KMT2C: variants seen among roughly 807,000 people sequenced by gnomAD.
The protein encoded by KMT2C is histone-lysine N-methyltransferase 2C.
A neutral mutation model predicts 507.9 loss-of-function variants in KMT2C; 88 were observed. That is an observed-to-expected ratio of 0.17 (90% confidence interval 0.15 to 0.21). KMT2C has a LOEUF of 0.21. Ranked by LOEUF, KMT2C falls within the 10% of genes least tolerant of loss-of-function variation. The pLI is 1.00. For missense variants in KMT2C, 4,954 were observed against 5,957.8 expected (o/e 0.83, Z 5.55); for synonymous variants, 2,049 against 2,080.8 (o/e 0.98, Z 0.42).
intron 31 of KMT2C, among the ~76,000 whole-genome samples, chr7:152,193,483 G>C (rs1407379830): frequency 6.6e-6 from 1 of 152,208 alleles, no homozygotes; most frequent in African/African-American, 2.4e-5. Context: ...GGGCATATAA[G>C]CAAGACATGG....
chr7:152,301,079 A>C (rs917100903), intron 6 of KMT2C, among the ~76,000 whole-genome samples: 11 of 151,386 alleles, frequency 7.3e-5, no homozygotes, highest in African/African-American at 2.7e-4. Context: ...AAAACTATAA[A>C]GGGCTGGGCG....
In KMT2C at chr7:152,315,095, G is replaced by A. The variant is rs566012927; in HGVS notation, c.590+43C>T. On this transcript the variant is annotated intron_variant, in intron 4 of 58. Transcript: ENST00000262189. ...ACATTATAATGGAAATAAATTATAT[G>A]CAGTCTTAATCTATTCCAACATTTA... 2 of 1,413,752 alleles carry A rather than the reference G, an allele frequency of 1.4e-6. 1 individual carries two copies. Among genetic ancestry groups the A allele is most frequent in the Admixed American group, 3.5e-5 (2 of 57,502 alleles). The allele number at this position is 1,413,752 out of a possible 1,614,324, so 87.6% of individuals were successfully genotyped here.
chr7:152,151,281 G>A (rs540590698), intron 50 of KMT2C, among the ~76,000 whole-genome samples, 161 bp downstream of exon 50: 1 of 152,252 alleles, frequency 6.6e-6, no homozygotes, highest in South Asian at 2.1e-4. Flanking sequence ...GCTCTTTGGT[G>A]TTCAGCCCAA....
At chr7:152,428,051 T>C (rs1203175857) in intron 1 of KMT2C, among the ~76,000 whole-genome samples, 2 of 152,200 alleles carry the variant, frequency 1.3e-5, no homozygotes, top group Non-Finnish European at 2.9e-5. Flanking sequence ...TAGGCATCAT[T>C]AAATCACCAA....
intron 23 of KMT2C, among the ~76,000 whole-genome samples, chr7:152,215,933 T>C (rs1157626054): frequency 6.6e-6 from 1 of 152,296 alleles, no homozygotes; most frequent in East Asian, 1.9e-4. Context: ...TTTTAAAAGT[T>C]GAGGGAATTA....
chr7:152,194,265 G>T lies in KMT2C; in HGVS notation c.4508-4C>A, dbSNP rs1554516874. The T allele has an allele frequency of 3.5e-6, 5 of 1,442,870 alleles. No homozygotes were observed. The highest frequency in any genetic ancestry group is 2.4e-5 in the East Asian group (1 of 42,500). 89.4% of individuals were successfully genotyped at this position (1,442,870 alleles called of 1,614,324 possible). A position where few individuals can be genotyped will look rare whatever the true frequency, so the allele number is the denominator to read the frequency against. On this transcript the variant is annotated splice_region_variant and splice_polypyrimidine_tract_variant and intron_variant, in intron 29 of 58. Coordinates refer to ENST00000262189, the MANE Select transcript of KMT2C (RefSeq NM_170606.3). Reference sequence around the variant, plus strand: ...TATAATTTTCCAAGAATTGCTCCTAGAATAAATTAAAAAAAAAAAAGAAAC... The same window carrying T: ...TATAATTTTCCAAGAATTGCTCCTATAATAAATTAAAAAAAAAAAAGAAAC...
chr7:152,195,904 T>C lies in KMT2C; in HGVS notation c.4378+3A>G. The C allele has an allele frequency of 6.6e-7, 1 of 1,523,752 alleles. No homozygotes were observed. Among genetic ancestry groups the C allele is most frequent in the Non-Finnish European group, 9.1e-7 (1 of 1,100,454 alleles). The allele number at this position is 1,523,752 out of a possible 1,614,324, so 94.4% of individuals were successfully genotyped here. A position where few individuals can be genotyped will look rare whatever the true frequency, so the allele number is the denominator to read the frequency against. On this transcript the variant is annotated splice_donor_region_variant and intron_variant, in intron 28 of 58. Coordinates refer to ENST00000262189, the MANE Select transcript of KMT2C (RefSeq NM_170606.3). ...AAAAAGGGTAAACAGTATTCATATA[T>C]ACCTGAATGATCAACTGATTTTGCT...
chr7:152,237,745 C>T (rs529595292), intron 15 of KMT2C, among the ~76,000 whole-genome samples: 107 of 152,306 alleles, frequency 7.0e-4, no homozygotes, highest in African/African-American at 2.4e-3. Context: ...AAGTGATCTG[C>T]CCCCTCAGCC....
intron 1 of KMT2C, among the ~76,000 whole-genome samples, chr7:152,368,831 T>TGA (rs770419350): frequency 6.6e-6 from 1 of 152,176 alleles, no homozygotes; most frequent in East Asian, 1.9e-4. Context: ...TAAGATGCCT[T>TGA]GAATTGTCTA....
At chr7:152,278,772 T>C (rs1240394240) in intron 6 of KMT2C, among the ~76,000 whole-genome samples, 2 of 152,310 alleles carry the variant, frequency 1.3e-5, no homozygotes, top group Non-Finnish European at 2.9e-5. Flanking sequence ...AGTTTTATGT[T>C]ACAGTGTAAA....
chr7:152,395,503 T>C lies in KMT2C; in HGVS notation c.162-36828A>G, dbSNP rs564657399. Among the ~76,000 whole-genome samples, 258 of 149,652 alleles carry C rather than the reference T, an allele frequency of 1.7e-3. 1 individual carries two copies. Among genetic ancestry groups the C allele is most frequent in the Admixed American group, 3.4e-3 (52 of 15,172 alleles). On this transcript the variant is annotated intron_variant, in intron 1 of 58. Coordinates refer to ENST00000262189, the MANE Select transcript of KMT2C (RefSeq NM_170606.3). The stretch of plus-strand genomic sequence containing the variant: ...AGTGCCTAACCATTTTTAAGTTTTG[T>C]TTTGTTTTGTTTTGTTTTGTTTTTG...
chr7:152,305,422 A>T (rs746892709), intron 6 of KMT2C, among the ~76,000 whole-genome samples: 1 of 152,214 alleles, frequency 6.6e-6, no homozygotes, highest in Non-Finnish European at 1.5e-5. Context: ...GCGTCTGCGT[A>T]CTTGAGTAAG....
intron 14 of KMT2C, among the ~76,000 whole-genome samples, chr7:152,240,651 T>C (rs1357799785): frequency 6.6e-6 from 1 of 152,276 alleles, no homozygotes; most frequent in Non-Finnish European, 1.5e-5. Context: ...ACCGGTTTCA[T>C]CCCAGTCTTC....
chr7:152,195,431 C>T, intron 28 of KMT2C: 1 of 509,422 alleles, frequency 2.0e-6, no homozygotes, highest in East Asian at 1.5e-4. Flanking sequence ...TACTGATAAA[C>T]AGCATGCACC....
At chr7:152,403,709 GACACATACACACACAC>G (rs1564130620) in intron 1 of KMT2C, among the ~76,000 whole-genome samples, 71 of 150,804 alleles carry the variant, frequency 4.7e-4, no homozygotes, top group African/African-American at 1.7e-3. Context: ...GAAAAACTGG[GACACATACACACACAC>G]ACACACACAC....
chr7:152,141,679 C>CTCCA (rs1278572206), intron 55 of KMT2C, among the ~76,000 whole-genome samples: 3 of 146,596 alleles, frequency 2.0e-5, no homozygotes, highest in Non-Finnish European at 4.4e-5. Flanking sequence ...TGCCACTGCA[C>CTCCA]TCCAGCCTGG....
At chr7:152,367,068 TCAGAACTCTGTGC>T (rs1264090585) in intron 1 of KMT2C, 3 of 708,542 alleles carry the variant, frequency 4.2e-6, no homozygotes, top group Non-Finnish European at 7.2e-6. Context: ...AAATCTGTAG[TCAGAACTCTGTGC>T]TGCATTTTTA....
intron 23 of KMT2C, among the ~76,000 whole-genome samples, chr7:152,209,239 G>A (rs551454366): frequency 3.3e-5 from 5 of 151,396 alleles, no homozygotes; most frequent in Non-Finnish European, 7.4e-5. Context: ...GGCAGATCAC[G>A]AGGTCAGGAG....
intron 1 of KMT2C, among the ~76,000 whole-genome samples, chr7:152,427,215 C>T (rs1224284470): frequency 1.3e-5 from 2 of 152,032 alleles, no homozygotes; most frequent in African/African-American, 2.4e-5. Context: ...GGGGTTTCAC[C>T]ATCTTGGCCA....
Sources: allele counts gnomAD v4.1 joint callset (sites outside exome capture counted in the v4.1 genomes callset), GRCh38; gene constraint gnomAD v4.1.1; transcripts MANE v1.5; gene names NCBI Gene and HGNC (gene_info 2026-07-23, HGNC 2026-07-21).